The following PDE9A variants were observed in gnomAD, a reference collection of about 807,000 sequenced individuals.
The protein encoded by PDE9A is phosphodiesterase 9A.
In PDE9A, 60 loss-of-function variants were observed where a neutral mutation model predicts 87.4. The ratio of observed to expected loss-of-function variants is 0.69; its 90% CI spans 0.56 to 0.85. The LOEUF is 0.85. PDE9A is among the 40% of genes least tolerant of loss of function. The pLI, the probability that PDE9A is intolerant of heterozygous loss-of-function variation, is 0.00. For synonymous variants in PDE9A, 272 were observed against 279.4 expected, an observed-to-expected ratio of 0.97 and a Z score of 0.27; for missense variants, 665 against 779.0, an observed-to-expected ratio of 0.85 and a Z score of 1.74.
intron 4 of PDE9A, among the ~76,000 whole-genome samples, chr21:42,721,553 A>T (rs887088537): frequency 6.6e-6 from 1 of 152,254 alleles, no homozygotes; most frequent in African/African-American, 2.4e-5. Flanking sequence ...CTATAAAGGA[A>T]ATGTCGTCCT....
At chr21:42,754,297 G>A (rs558201045) in intron 10 of PDE9A, among the ~76,000 whole-genome samples, 8 of 152,206 alleles carry the variant, frequency 5.3e-5, no homozygotes, top group Non-Finnish European at 1.0e-4. Flanking sequence ...GGGGGAGACG[G>A]CTGTCAGGGG....
At chr21:42,697,661 T>C (rs576595822) in intron 3 of PDE9A, among the ~76,000 whole-genome samples, 62 of 152,288 alleles carry the variant, frequency 4.1e-4, no homozygotes, top group African/African-American at 1.4e-3. Flanking sequence ...CTTCCTGGCT[T>C]GCATACAGCT....
At position 42,751,176 on chromosome 21, in the gene PDE9A, C is replaced by A. The variant is rs779212933; in HGVS notation, c.714C>A (p.Arg238=). ...ACCACAAGAAGTTGACTCCTCGACG[C>A]GATGTTCCCACTTACCCCAAGGTAA... The part of the protein sequence containing the change: ...LDNHKKLTPR[R]DVPTYPKYLL... The change falls in exon 9 of 20, where the codon CGC becomes CGA. Residue 238 remains arginine (R), a synonymous_variant. Transcript: ENST00000291539. 5 of 1,611,984 alleles carry A rather than the reference C, an allele frequency of 3.1e-6. No individual in the cohort carries two copies. Among genetic ancestry groups the A allele is most frequent in the Non-Finnish European group, 4.2e-6 (5 of 1,178,286 alleles).
At chr21:42,768,608 G>C (rs1383250897) in intron 16 of PDE9A, 1 of 985,488 alleles carries the variant, frequency 1.0e-6, no homozygotes, top group Non-Finnish European at 1.2e-6. Flanking sequence ...GCAGAAGCAG[G>C]AGGGGGCCCA....
At chr21:42,686,705 C>T (rs1276497773) in intron 2 of PDE9A, among the ~76,000 whole-genome samples, 2 of 152,164 alleles carry the variant, frequency 1.3e-5, no homozygotes, top group Non-Finnish European at 2.9e-5. Context: ...ATCCCAGCTG[C>T]TTGGGAGGCT....
chr21:42,672,239 GT>G, intron 1 of PDE9A, among the ~76,000 whole-genome samples: 1 of 152,238 alleles, frequency 6.6e-6, no homozygotes, highest in Non-Finnish European at 1.5e-5. Context: ...ACAGCTGAAG[GT>G]CTGACTTAGG....
intron 1 of PDE9A, among the ~76,000 whole-genome samples, chr21:42,666,175 T>G (rs982413969): frequency 6.6e-6 from 1 of 151,826 alleles, no homozygotes; most frequent in Admixed American, 6.5e-5. Flanking sequence ...GCAGTGGGCG[T>G]GGTCATCAAG....
At chr21:42,769,528 GCA>G (rs557016652) in intron 17 of PDE9A, among the ~76,000 whole-genome samples, 16 of 90,404 alleles carry the variant, frequency 1.8e-4, no homozygotes, top group South Asian at 7.9e-4. Context: ...AGGCACACAG[GCA>G]CACACAGGCA....
rs189705339 is a variant in PDE9A at position 42,665,874 on chromosome 21, G to A, written c.69+11991G>A. ...GGGCCAGGGATGAAGCTTCTCCCGCGTGGCTCCACCGTCTATCCCTCAAGC... is the reference window on the plus strand; with the variant it reads ...GGGCCAGGGATGAAGCTTCTCCCGCATGGCTCCACCGTCTATCCCTCAAGC... On this transcript the variant is annotated intron_variant, in intron 1 of 19. Coordinates refer to ENST00000291539, the MANE Select transcript of PDE9A (RefSeq NM_002606.3). Among the ~76,000 whole-genome samples the A allele has an allele frequency of 2.8e-4, 42 of 152,304 alleles. No homozygotes were observed. In the East Asian group the frequency reaches 6.4e-3, roughly 23 times the overall value.
intron 18 of PDE9A, among the ~76,000 whole-genome samples, chr21:42,771,041 C>A (rs1387132003): frequency 6.6e-6 from 1 of 152,260 alleles, no homozygotes; most frequent in Non-Finnish European, 1.5e-5. Context: ...AGTTTACTGG[C>A]CGTGCCCTTC....
In PDE9A at chr21:42,715,240, G is replaced by A. The variant is rs147817483; in HGVS notation, c.262+16229G>A. On this transcript the variant is annotated intron_variant, in intron 4 of 19. Transcript: ENST00000291539. ...GATAGACTTTGTTTTTTAGATTCAC[G>A]GCAAAATTGAGTGAAAAGTGTGGAG... 3.9e-3 allele frequency among the ~76,000 whole-genome samples: 533 copies of A among 135,272 alleles called. 2 individuals are homozygous for A. The highest frequency in any genetic ancestry group is 0.014 in the African/African-American group (465 of 34,212). 88.7% of individuals were successfully genotyped at this position (135,272 alleles called of 152,430 possible). A position where few individuals can be genotyped will look rare whatever the true frequency, so the allele number is the denominator to read the frequency against.
At chr21:42,749,476 C>T (rs957003750) in intron 8 of PDE9A, among the ~76,000 whole-genome samples, 1 of 152,218 alleles carries the variant, frequency 6.6e-6, no homozygotes, top group South Asian at 2.1e-4. Context: ...GGCAGCTGCT[C>T]CTCATTCAGC....
chr21:42,767,255 GT>G (rs1467704180), intron 15 of PDE9A, among the ~76,000 whole-genome samples: 1 of 152,150 alleles, frequency 6.6e-6, no homozygotes, highest in Non-Finnish European at 1.5e-5. Context: ...TGCAGGGAGT[GT>G]GGCCGGCAGG....
At chr21:42,678,861 G>T (rs908347857) in intron 1 of PDE9A, among the ~76,000 whole-genome samples, 1 of 152,224 alleles carries the variant, frequency 6.6e-6, no homozygotes, top group Non-Finnish European at 1.5e-5. Flanking sequence ...CACAGACAGG[G>T]CTGGGGGAGG....
At chr21:42,666,571 G>A (rs1003940447) in intron 1 of PDE9A, among the ~76,000 whole-genome samples, 1 of 152,134 alleles carries the variant, frequency 6.6e-6, no homozygotes, top group South Asian at 2.1e-4. Context: ...AGGCCCTCGC[G>A]GTCTGAAGGC....
rs540677950 is a variant in PDE9A at position 42,748,656 on chromosome 21, C to T, written c.654-2460C>T. Among the ~76,000 whole-genome samples, 11 of 152,274 alleles carry T rather than the reference C, an allele frequency of 7.2e-5. No individual in the cohort carries two copies. In the South Asian group the frequency reaches 2.1e-3, roughly 29 times the overall value. ...TGTCCCCCCAGTTTAAACCTGGACA[C>T]GAGGCCTTCTAGATGTTTTTCTGTG... is the stretch of plus-strand genomic sequence containing the variant. On this transcript the variant is annotated intron_variant, in intron 8 of 19. Transcript: ENST00000291539.
At chr21:42,738,036 A>C (rs935807722) in intron 7 of PDE9A, among the ~76,000 whole-genome samples, 3 of 152,130 alleles carry the variant, frequency 2.0e-5, no homozygotes, top group Non-Finnish European at 2.9e-5. Context: ...TCCTCCCCTC[A>C]TGTCCTGGCT....
Position 42,730,065 on chromosome 21 carries a change from G to C in PDE9A, c.263-1705G>C, listed in dbSNP as rs74812131. On this transcript the variant is annotated intron_variant, in intron 4 of 19. Transcript: ENST00000291539. ...GACTCTGAGATCATTTACTCTCAAAGGTTATGTGATACGCTACCTTTTCCA... is the reference window on the plus strand; with the variant it reads ...GACTCTGAGATCATTTACTCTCAAACGTTATGTGATACGCTACCTTTTCCA... Among the ~76,000 whole-genome samples, 1,083 of 152,298 alleles carry C rather than the reference G, an allele frequency of 7.1e-3. 12 individuals carry two copies. Among genetic ancestry groups the C allele is most frequent in the African/African-American group, 0.024 (1,018 of 41,558 alleles).
intron 10 of PDE9A, 121 bp from the exon 11 acceptor site, chr21:42,758,878 G>A (rs751086465): frequency 1.0e-3 from 709 of 684,956 alleles, no homozygotes; most frequent in Non-Finnish European, 1.6e-3. Flanking sequence ...CTGGGAGGGG[G>A]AGAACCCACC....
Sources: gnomAD v4.1 joint callset for allele counts (sites outside exome capture counted in the v4.1 genomes callset) on GRCh38, gnomAD v4.1.1 for gene constraint, MANE v1.5 for transcripts, NCBI Gene and HGNC (gene_info 2026-07-23, HGNC 2026-07-21) for gene names.